KDM4C: variants seen among roughly 807,000 people sequenced by gnomAD.
The protein encoded by KDM4C is lysine demethylase 4C.
In KDM4C, 81 loss-of-function variants were observed where a neutral mutation model predicts 129.3. The observed-to-expected ratio is 0.63, with a 90% CI of 0.52 to 0.75. The LOEUF (loss-of-function observed/expected upper bound fraction) is 0.75. Ranked by LOEUF, KDM4C falls within the 30% of genes least tolerant of loss-of-function variation. The pLI is 0.00. For missense variants in KDM4C, 1,457 were observed against 1,304.0 expected, an observed-to-expected ratio of 1.12 and a Z score of -1.81; for synonymous variants, 573 against 456.1, an observed-to-expected ratio of 1.26 and a Z score of -3.26.
intron 9 of KDM4C, chr9:6,982,084 G>C (rs1331108972): frequency 6.6e-6 from 1 of 151,712 alleles, no homozygotes; most frequent in Non-Finnish European, 1.5e-5. Flanking sequence ...GTAACTGATT[G>C]ATTTGCTGCA....
At chr9:7,050,499 A>G (rs989798798) in intron 17 of KDM4C, among the ~76,000 whole-genome samples, 1 of 151,670 alleles carries the variant, frequency 6.6e-6, no homozygotes, top group African/African-American at 2.4e-5. Context: ...TTAGGACTAT[A>G]AGATATGATA....
At chr9:7,169,359 C>T (rs1052720990) in intron 20 of KDM4C, among the ~76,000 whole-genome samples, 3 of 152,088 alleles carry the variant, frequency 2.0e-5, no homozygotes, top group Admixed American at 1.3e-4. Flanking sequence ...TGTTTTGAGA[C>T]GGAGTCTTAC....
At chr9:7,062,863 T>A (rs1243507214) in intron 17 of KDM4C, among the ~76,000 whole-genome samples, 2 of 152,198 alleles carry the variant, frequency 1.3e-5, no homozygotes, top group African/African-American at 4.8e-5. Context: ...ACTTCTTTTT[T>A]TCCACTTTGA....
At chr9:6,865,123 T>G (rs555557901) in intron 5 of KDM4C, among the ~76,000 whole-genome samples, 1 of 151,000 alleles carries the variant, frequency 6.6e-6, no homozygotes, top group Admixed American at 6.6e-5. Flanking sequence ...ATTCTCCTGC[T>G]TCAGCCTCCC....
At chr9:7,086,498 G>T (rs1488936332) in intron 17 of KDM4C, among the ~76,000 whole-genome samples, 1 of 152,142 alleles carries the variant, frequency 6.6e-6, no homozygotes, top group Non-Finnish European at 1.5e-5. Flanking sequence ...ATTGGAATAG[G>T]CTTGCTCTAA....
chr9:7,069,280 G>T (rs1352548574), intron 17 of KDM4C, among the ~76,000 whole-genome samples: 4 of 151,990 alleles, frequency 2.6e-5, no homozygotes, highest in Non-Finnish European at 5.9e-5. Flanking sequence ...ATGATATTAG[G>T]GTTGTTTTAA....
intron 15 of KDM4C, among the ~76,000 whole-genome samples, chr9:7,032,151 T>C (rs764716793): frequency 6.6e-6 from 1 of 152,212 alleles, no homozygotes; most frequent in African/African-American, 2.4e-5. Context: ...GTAGAATCTT[T>C]GACTCCCAAC....
At chr9:6,753,377 C>A (rs543260599), upstream of KDM4C, among the ~76,000 whole-genome samples, 1 of 152,174 alleles carries the variant, frequency 6.6e-6, no homozygotes, top group East Asian at 1.9e-4. Context: ...TATCTTTTAT[C>A]TATCATGTCT....
Position 7,014,020 on chromosome 9 carries a change from C to G in KDM4C, c.2182+19C>G. Reference sequence around the variant, plus strand: ...CATGCAAGTAAATGGATCTATAATTCATCAATCACTGGCTTTTCAGCATTT... The same window carrying G: ...CATGCAAGTAAATGGATCTATAATTGATCAATCACTGGCTTTTCAGCATTT... On this transcript the variant is annotated intron_variant, in intron 14 of 21. Transcript: ENST00000381309. The G allele has an allele frequency of 6.3e-7, 1 of 1,587,272 alleles. No homozygotes were observed. Among genetic ancestry groups the G allele is most frequent in the Middle Eastern group, 1.7e-4 (1 of 5,974 alleles).
Position 6,975,782 on chromosome 9 carries a change from C to T in KDM4C, c.922-5143C>T, listed in dbSNP as rs185007223. Reference sequence around the variant, plus strand: ...TCAGGGCCTGTGTGGTGGCTCACACCTGTAATCCCACCGCTTTGGGCGAGG... The same window carrying T: ...TCAGGGCCTGTGTGGTGGCTCACACTTGTAATCCCACCGCTTTGGGCGAGG... On this transcript the variant is annotated intron_variant, in intron 8 of 21. Transcript: ENST00000381309. 1.7e-4 allele frequency among the ~76,000 whole-genome samples: 26 copies of T among 152,262 alleles called. No homozygotes were observed. The East Asian group carries it at 3.9e-3, about 23-fold the overall frequency.
At chr9:7,092,119 T>TTTC (rs928824231) in intron 17 of KDM4C, among the ~76,000 whole-genome samples, 1 of 152,070 alleles carries the variant, frequency 6.6e-6, no homozygotes, top group Non-Finnish European at 1.5e-5. Flanking sequence ...CTGTTTCTTT[T>TTTC]TTCTTCTTCT....
chr9:6,970,520 T>G (rs545979755), intron 8 of KDM4C, among the ~76,000 whole-genome samples: 1 of 152,302 alleles, frequency 6.6e-6, no homozygotes, highest in Admixed American at 6.5e-5. Context: ...TTCCTGTTAG[T>G]TTTCTTTCCA....
intron 19 of KDM4C, among the ~76,000 whole-genome samples, chr9:7,158,804 G>T (rs1441491887): frequency 2.6e-5 from 4 of 152,168 alleles, no homozygotes; most frequent in Non-Finnish European, 5.9e-5. Context: ...GTGTTGGGAA[G>T]AGTGTATATT....
At chr9:7,089,067 C>A (rs1279600426) in intron 17 of KDM4C, among the ~76,000 whole-genome samples, 1 of 151,746 alleles carries the variant, frequency 6.6e-6, no homozygotes, top group Non-Finnish European at 1.5e-5. Flanking sequence ...AGTTAAAAAA[C>A]AAAACAGGAA....
chr9:7,112,919 T>C (rs1241062178), intron 18 of KDM4C, among the ~76,000 whole-genome samples: 1 of 152,220 alleles, frequency 6.6e-6, no homozygotes, highest in Non-Finnish European at 1.5e-5. Context: ...CTTTAACAAT[T>C]TGGATATTGC....
At chr9:7,117,609 A>G (rs1466981505) in intron 18 of KDM4C, among the ~76,000 whole-genome samples, 1 of 145,258 alleles carries the variant, frequency 6.9e-6, no homozygotes, top group Non-Finnish European at 1.5e-5. Flanking sequence ...ACATTTTAGA[A>G]TCATCTTGTT....
chr9:6,880,081 T>G lies in KDM4C; in HGVS notation c.679+20T>G, dbSNP rs746329278. ...CTCAAGGTAAAACTTGCTTTTTAAA[T>G]TTGTTTTCTGTGTTTTATATGTTTC... On this transcript the variant is annotated intron_variant, in intron 6 of 21. Coordinates refer to ENST00000381309, the MANE Select transcript of KDM4C (RefSeq NM_015061.6). 7.0e-6 allele frequency: 11 copies of G among 1,562,204 alleles called. No individual in the cohort carries two copies. In the South Asian group the frequency reaches 9.2e-5, roughly 13 times the overall value.
chr9:7,125,657 T>C (rs1214343372), intron 18 of KDM4C, among the ~76,000 whole-genome samples: 2 of 152,258 alleles, frequency 1.3e-5, no homozygotes, highest in South Asian at 4.1e-4. Flanking sequence ...GACTAGTGAT[T>C]CTGGATGATG....
At position 7,174,842 on chromosome 9, in the gene KDM4C, T is replaced by A; in HGVS notation, c.*113T>A. Reference sequence around the variant, plus strand: ...GCTGGCATAGGTGACAGGGTGTGTCTCTGACAGTGGTAAATCGGGTTTCCA... The same window carrying A: ...GCTGGCATAGGTGACAGGGTGTGTCACTGACAGTGGTAAATCGGGTTTCCA... On this transcript the variant is annotated 3_prime_UTR_variant, in exon 22 of 22. Transcript: ENST00000381309. 1.2e-6 allele frequency: 1 copy of A among 855,674 alleles called. No homozygotes were observed. The highest frequency in any genetic ancestry group is 1.8e-6 in the Non-Finnish European group (1 of 547,186). 53.0% of individuals were successfully genotyped at this position (855,674 alleles called of 1,614,324 possible).
Sources: gnomAD v4.1 joint callset for allele counts (sites outside exome capture counted in the v4.1 genomes callset) on GRCh38, gnomAD v4.1.1 for gene constraint, MANE v1.5 for transcripts, NCBI Gene and HGNC (gene_info 2026-07-23, HGNC 2026-07-21) for gene names.